BMPER: variants seen among roughly 807,000 people sequenced by gnomAD.
BMPER encodes BMP-binding endothelial regulator protein.
Under a neutral mutation model 87.3 loss-of-function variants are expected in BMPER, and 45 were observed. The ratio of observed to expected loss-of-function variants is 0.52; its 90% CI spans 0.41 to 0.66. BMPER has a LOEUF of 0.66. Ranked by LOEUF, BMPER falls within the 30% of genes least tolerant of loss-of-function variation. BMPER has a pLI of 0.00. For synonymous variants in BMPER, 326 were observed against 316.2 expected, an observed-to-expected ratio of 1.03 and a Z score of -0.33; for missense variants, 784 against 867.5, an observed-to-expected ratio of 0.90 and a Z score of 1.21.
chr7:33,983,588 C>A (rs1360897175), intron 6 of BMPER, among the ~76,000 whole-genome samples: 1 of 152,036 alleles, frequency 6.6e-6, no homozygotes, highest in Non-Finnish European at 1.5e-5. Context: ...TAAAAACAAA[C>A]AAACAAACAA....
rs372011197 is a variant in BMPER, at chr7:34,044,779, GA to G, written c.577-1519del. ...GGGAAGAATCCAACATTAAAGAGGT[GA>G]AAAAAAATAGCAAATATTTTAAAAG... On this transcript the variant is annotated intron_variant, in intron 6 of 14. Coordinates refer to ENST00000649409, the MANE Select transcript of BMPER (RefSeq NM_001365308.1). 1.0e-3 allele frequency among the ~76,000 whole-genome samples: 156 copies of G among 151,750 alleles called. 1 individual carries two copies. Among genetic ancestry groups the G allele is most frequent in the African/African-American group, 3.5e-3 (144 of 41,402 alleles).
intron 6 of BMPER, among the ~76,000 whole-genome samples, chr7:33,996,247 C>T (rs1786409345): frequency 6.6e-6 from 1 of 152,034 alleles, no homozygotes; most frequent in Non-Finnish European, 1.5e-5. Context: ...AAAGAAGTCC[C>T]AGCTGGTTGT....
At chr7:34,059,114 C>A (rs184036461) in intron 10 of BMPER, among the ~76,000 whole-genome samples, 1 of 151,782 alleles carries the variant, frequency 6.6e-6, no homozygotes, top group South Asian at 2.1e-4. Context: ...AAAGAAGATA[C>A]AATAAGTAGA....
At chr7:34,065,240 CT>C (rs1562720540) in intron 11 of BMPER, among the ~76,000 whole-genome samples, 10 of 150,478 alleles carry the variant, frequency 6.6e-5, no homozygotes, top group South Asian at 6.4e-4. Context: ...CTCTCTCTCT[CT>C]CTCTCTCCCT....
At chr7:34,021,417 G>T (rs1192864943) in intron 6 of BMPER, among the ~76,000 whole-genome samples, 1 of 151,958 alleles carries the variant, frequency 6.6e-6, no homozygotes. Context: ...ACCCTAAGAA[G>T]AAGTATTTAT....
intron 6 of BMPER, among the ~76,000 whole-genome samples, chr7:34,038,638 G>T (rs1787749557): frequency 6.6e-6 from 1 of 152,166 alleles, no homozygotes; most frequent in Admixed American, 6.6e-5. Context: ...TTTCAGGCTT[G>T]GTTCTCAAGA....
At chr7:34,071,879 TC>T (rs1788744287) in intron 11 of BMPER, among the ~76,000 whole-genome samples, 1 of 152,326 alleles carries the variant, frequency 6.6e-6, no homozygotes, top group East Asian at 1.9e-4. Flanking sequence ...ACAGCATTGA[TC>T]AGTCTTTTGA....
At chr7:34,047,600 T>TG (rs1291464166) in intron 7 of BMPER, among the ~76,000 whole-genome samples, 1 of 152,110 alleles carries the variant, frequency 6.6e-6, no homozygotes, top group African/African-American at 2.4e-5. Context: ...TAATGATTCC[T>TG]GGGCTCTTGA....
chr7:34,011,541 C>T (rs1258292028), intron 6 of BMPER, among the ~76,000 whole-genome samples: 1 of 128,826 alleles, frequency 7.8e-6, no homozygotes, highest in Non-Finnish European at 1.6e-5. Context: ...ACCTTTTAAA[C>T]CAGAATGTAA....
chr7:34,002,338 A>G (rs1786603712), intron 6 of BMPER, among the ~76,000 whole-genome samples: 1 of 151,854 alleles, frequency 6.6e-6, no homozygotes, highest in Non-Finnish European at 1.5e-5. Flanking sequence ...ATTTTATTAT[A>G]AAATAGGCTT....
intron 11 of BMPER, among the ~76,000 whole-genome samples, chr7:34,071,858 A>C (rs1788743817): frequency 6.6e-6 from 1 of 152,232 alleles, no homozygotes; most frequent in African/African-American, 2.4e-5. Context: ...AGGTGTTCCC[A>C]GACTCCTAGG....
At chr7:34,080,015 G>A (rs1478482150) in intron 12 of BMPER, among the ~76,000 whole-genome samples, 1 of 152,126 alleles carries the variant, frequency 6.6e-6, no homozygotes, top group African/African-American at 2.4e-5. Context: ...TTCACACTTT[G>A]TGTATCATGT....
chr7:33,916,940 A>G (rs953834267), intron 2 of BMPER, among the ~76,000 whole-genome samples: 3 of 152,238 alleles, frequency 2.0e-5, no homozygotes, highest in Non-Finnish European at 4.4e-5. Flanking sequence ...AACCTCCTCT[A>G]TAAAAGACAT....
At chr7:34,085,683 A>G (rs1348242035) in intron 12 of BMPER, 73 bp from the exon 13 acceptor site, 21 of 1,353,726 alleles carry the variant, frequency 1.6e-5, no homozygotes, top group Non-Finnish European at 2.0e-5. Context: ...GTTCTGTGTA[A>G]GGATGTATAC....
chr7:34,018,323 A>G (rs1324999354), intron 6 of BMPER, among the ~76,000 whole-genome samples: 3 of 151,924 alleles, frequency 2.0e-5, no homozygotes, highest in African/African-American at 7.2e-5. Flanking sequence ...TCTTCACTCC[A>G]ACTGCCCTAA....
chr7:33,965,195 A>G lies in BMPER; in HGVS notation c.320-1284A>G, dbSNP rs1785375436. Among the ~76,000 whole-genome samples the G allele has an allele frequency of 2.0e-5, 3 of 152,316 alleles. No individual in the cohort carries two copies. The South Asian group carries it at 6.2e-4, about 32-fold the overall frequency. ...AGGAAATTAAAAAATATATAGTGAA[A>G]GCATTTCCCTAATGTGTTTCCAATC... On this transcript the variant is annotated intron_variant, in intron 3 of 14. Coordinates refer to ENST00000649409, the MANE Select transcript of BMPER (RefSeq NM_001365308.1).
chr7:33,913,396 A>G (rs564123969), intron 2 of BMPER, among the ~76,000 whole-genome samples: 44 of 152,220 alleles, frequency 2.9e-4, no homozygotes, highest in Non-Finnish European at 4.3e-4. Context: ...TGACACAATA[A>G]AATAAATTTT....
intron 13 of BMPER, among the ~76,000 whole-genome samples, chr7:34,120,582 G>C (rs1022448384): frequency 6.6e-6 from 1 of 152,152 alleles, no homozygotes; most frequent in Non-Finnish European, 1.5e-5. Flanking sequence ...GTTTTTCGTA[G>C]AGATGAGGTT....
rs77917971 is a variant in BMPER at position 34,028,906 on chromosome 7, G to A, written c.577-17400G>A. On this transcript the variant is annotated intron_variant, in intron 6 of 14. Coordinates refer to ENST00000649409, the MANE Select transcript of BMPER (RefSeq NM_001365308.1). Reference sequence around the variant, plus strand: ...TGGCAATTAGTATATTGCCATGAATGATTTAGGCTGAACGATTCTACATGA... The same window carrying A: ...TGGCAATTAGTATATTGCCATGAATAATTTAGGCTGAACGATTCTACATGA... Among the ~76,000 whole-genome samples the A allele has an allele frequency of 9.3e-4, 141 of 151,958 alleles. 1 individual carries two copies. The East Asian group carries it at 0.025, about 26-fold the overall frequency.
Sources: gnomAD v4.1 joint callset for allele counts (sites outside exome capture counted in the v4.1 genomes callset) on GRCh38, gnomAD v4.1.1 for gene constraint, MANE v1.5 for transcripts, NCBI Gene and HGNC (gene_info 2026-07-23, HGNC 2026-07-21) for gene names.